Variants in DOP1A observed in about 807,000 individuals in gnomAD.
The protein encoded by DOP1A is DOP1 leucine zipper like protein A.
In DOP1A, 90 loss-of-function variants were observed where a neutral mutation model predicts 267.6. The observed-to-expected ratio is 0.34, with a 90% confidence interval of 0.28 to 0.40. The LOEUF (loss-of-function observed/expected upper bound fraction) is 0.40, where lower values mean the gene tolerates loss of function less well. DOP1A is among the 10% of genes least tolerant of loss of function. The pLI is 1.00. For synonymous variants in DOP1A, 932 were observed against 999.1 expected (o/e 0.93, Z 1.27); for missense variants, 2,437 against 2,900.4 (o/e 0.84, Z 3.67).
chr6:83,143,142 G>A (rs1779919898), intron 24 of DOP1A, among the ~76,000 whole-genome samples: 1 of 152,164 alleles, frequency 6.6e-6, no homozygotes, highest in African/African-American at 2.4e-5. Context: ...TTGAAGCCAG[G>A]CACAGTGGCT....
chr6:83,124,274 T>A (rs575489872), intron 12 of DOP1A, among the ~76,000 whole-genome samples: 1 of 152,046 alleles, frequency 6.6e-6, no homozygotes, highest in Non-Finnish European at 1.5e-5. Context: ...TAACATTTGA[T>A]CTCAGACTTT....
At chr6:83,166,606 A>G in intron 38 of DOP1A, 2 of 716,946 alleles carry the variant, frequency 2.8e-6, no homozygotes, top group Non-Finnish European at 4.2e-6. Context: ...ACATAACCAC[A>G]TTTATTTAAG....
At position 83,137,600 on chromosome 6, in the gene DOP1A, T is replaced by C. The variant is rs766048023; in HGVS notation, c.3558T>C (p.Asp1186=). 35 of 1,613,754 alleles carry C rather than the reference T, an allele frequency of 2.2e-5. No individual in the cohort carries two copies. Among genetic ancestry groups the C allele is most frequent in the Non-Finnish European group, 3.4e-6 (4 of 1,179,870 alleles). The part of the protein sequence containing the change: ...EIEAMPPKCS[D]IDPDEETIKI... The stretch of plus-strand genomic sequence containing the variant: ...AAGCTATGCCCCCAAAGTGCAGTGA[T>C]ATAGATCCAGATGAAGAGACGATTA... Residue 1186 remains aspartate (D), a synonymous_variant, in exon 21 of 39, where the codon GAT becomes GAC. Transcript: ENST00000349129.
rs571886884 is a variant in DOP1A at position 83,165,621 on chromosome 6, G to A, written c.7093-2241G>A. On this transcript the variant is annotated intron_variant, in intron 38 of 38. Coordinates refer to ENST00000349129, the MANE Select transcript of DOP1A (RefSeq NM_015018.4). ...GACGAACTCTTGGAAAGCATTTTCTGTGTCCTGCTAGTTGTGGAAGCAATT... is the reference window on the plus strand; with the variant it reads ...GACGAACTCTTGGAAAGCATTTTCTATGTCCTGCTAGTTGTGGAAGCAATT... The A allele has an allele frequency of 4.4e-5, 8 of 182,654 alleles. No homozygotes were observed. The South Asian group carries it at 6.9e-4, about 16-fold the overall frequency. 11.3% of individuals were successfully genotyped at this position (182,654 alleles called of 1,614,324 possible).
At position 83,162,838 on chromosome 6, in the gene DOP1A, A is replaced by C. The variant is rs1369565376; in HGVS notation, c.7011A>C (p.Glu2337Asp). ...IPEASDDSGL[E>D]VRRQGIHQRE... is the part of the protein sequence containing the mutation. ...AAGCCTCAGATGATTCAGGTTTGGAAGTCAGAAGGCAGGGTATACATCAAC... is the reference window on the plus strand; with the variant it reads ...AAGCCTCAGATGATTCAGGTTTGGACGTCAGAAGGCAGGGTATACATCAAC... The change falls in exon 38 of 39, where the codon GAA (glutamate) becomes GAC (aspartate). Residue 2337 changes from glutamate to aspartate, a missense_variant. Coordinates refer to ENST00000349129, the MANE Select transcript of DOP1A (RefSeq NM_015018.4). 2 of 1,613,570 alleles carry C rather than the reference A, an allele frequency of 1.2e-6. No individual in the cohort carries two copies. Among genetic ancestry groups the C allele is most frequent in the African/African-American group, 2.7e-5 (2 of 74,898 alleles).
At chr6:83,094,322 TTTC>T (rs1193549741) in intron 1 of DOP1A, among the ~76,000 whole-genome samples, 9 of 152,364 alleles carry the variant, frequency 5.9e-5, no homozygotes, top group East Asian at 1.9e-4. Context: ...ATTTGGGTTA[TTTC>T]TTCTTTTGGC....
chr6:83,076,898 A>T (rs114205747), intron 1 of DOP1A, among the ~76,000 whole-genome samples: 1,639 of 152,344 alleles, frequency 0.011, 39 homozygotes, highest in African/African-American at 0.036. Context: ...ATGGATAAGC[A>T]AAATACAGTA....
At chr6:83,124,456 T>A (rs1444976789) in intron 12 of DOP1A, among the ~76,000 whole-genome samples, 1 of 152,026 alleles carries the variant, frequency 6.6e-6, no homozygotes, top group Non-Finnish European at 1.5e-5. Flanking sequence ...TCCCAGAAAG[T>A]GAGATCCATT....
rs762367065 is a variant in DOP1A at position 83,168,169 on chromosome 6, C to G, written c.*2C>G. The G allele has an allele frequency of 6.2e-7, 1 of 1,610,390 alleles. No individual in the cohort carries two copies. Among genetic ancestry groups the G allele is most frequent in the Admixed American group, 1.7e-5 (1 of 59,462 alleles). ...CTGGAAGGGATGATAAAAACTTGAG[C>G]ACCATTGCTGGTTCCATTTAGCTTA... On this transcript the variant is annotated 3_prime_UTR_variant, in exon 39 of 39. Transcript: ENST00000349129.
chr6:83,154,142 A>G, intron 32 of DOP1A, 38 bp from the exon 33 acceptor site: 1 of 1,610,824 alleles, frequency 6.2e-7, no homozygotes, highest in East Asian at 2.2e-5. Context: ...TTTAACAGTA[A>G]CAACATAATT....
chr6:83,170,452 A>G (rs1442860038), downstream of DOP1A: 6 of 1,613,902 alleles, frequency 3.7e-6, no homozygotes, highest in Admixed American at 1.7e-5. Context: ...CAGCATCGGT[A>G]GTGCTAATAA....
At chr6:83,164,761 T>A in intron 38 of DOP1A, 1 of 1,513,088 alleles carries the variant, frequency 6.6e-7, no homozygotes, top group Non-Finnish European at 9.0e-7. Flanking sequence ...GCAGCAAAAG[T>A]TGCCAAATAT....
intron 1 of DOP1A, among the ~76,000 whole-genome samples, chr6:83,076,998 G>A (rs544024117): frequency 6.6e-6 from 1 of 152,204 alleles, no homozygotes; most frequent in Non-Finnish European, 1.5e-5. Flanking sequence ...ATTATGCTGA[G>A]TGAAATAAGC....
chr6:83,130,557 A>G (rs113394748), intron 17 of DOP1A, among the ~76,000 whole-genome samples, 160 bp downstream of exon 17: 1 of 152,310 alleles, frequency 6.6e-6, no homozygotes, highest in African/African-American at 2.4e-5. Context: ...CAGCTGATAT[A>G]CATACTGCTC....
Position 83,096,976 on chromosome 6 carries a change from G to C in DOP1A, c.-2G>C. 2.5e-6 allele frequency: 4 copies of C among 1,613,610 alleles called. No individual in the cohort carries two copies. In the South Asian group the frequency reaches 4.4e-5, roughly 18 times the overall value. ...TGGTCTCTAGTGGGAAGTTGTGGGA[G>C]GATGAACACAGAAGAGCTGGAGTTA... On this transcript the variant is annotated 5_prime_UTR_variant, in exon 3 of 39. Transcript: ENST00000349129.
Position 83,152,280 on chromosome 6 carries a change from A to ATT in DOP1A, c.6050-6_6050-5dup, listed in dbSNP as rs764802665. On this transcript the variant is annotated splice_polypyrimidine_tract_variant and splice_region_variant and intron_variant, in intron 29 of 38. Coordinates refer to ENST00000349129, the MANE Select transcript of DOP1A (RefSeq NM_015018.4). ...TTAGCCATATCTTTAATTTTCTCTT[A>ATT]TTTATAGATATGTTATCACCTGCAA... 3 of 1,528,224 alleles carry ATT rather than the reference A, an allele frequency of 2.0e-6. No individual in the cohort carries two copies. Among genetic ancestry groups the ATT allele is most frequent in the Non-Finnish European group, 2.7e-6 (3 of 1,126,566 alleles). The allele number at this position is 1,528,224 out of a possible 1,614,324, so 94.7% of individuals were successfully genotyped here.
At chr6:83,078,931 C>CCTTAAAA (rs1174077416) in intron 1 of DOP1A, among the ~76,000 whole-genome samples, 1 of 152,066 alleles carries the variant, frequency 6.6e-6, no homozygotes, top group Non-Finnish European at 1.5e-5. Context: ...TGTTTTGTTA[C>CCTTAAAA]CATCTTAACC....
At chr6:83,097,843 CTATTTTATTT>C (rs540132317) in intron 3 of DOP1A, among the ~76,000 whole-genome samples, 27 of 150,386 alleles carry the variant, frequency 1.8e-4, no homozygotes, top group African/African-American at 5.6e-4. Flanking sequence ...ATAACTTATT[CTATTTTATTT>C]TATTTTATTT....
At chr6:83,142,430 C>G (rs1779806770) in intron 24 of DOP1A, among the ~76,000 whole-genome samples, 1 of 152,010 alleles carries the variant, frequency 6.6e-6, no homozygotes, top group South Asian at 2.1e-4. Flanking sequence ...ATTGCTTGAA[C>G]CTGGGAGGCG....
Sources: allele counts gnomAD v4.1 joint callset (sites outside exome capture counted in the v4.1 genomes callset), GRCh38; gene constraint gnomAD v4.1.1; transcripts MANE v1.5; gene names NCBI Gene and HGNC (gene_info 2026-07-23, HGNC 2026-07-21).